The following KLHL20 variants were observed in gnomAD, a reference collection of about 807,000 sequenced individuals.
KLHL20 encodes the protein kelch-like protein 20.
In KLHL20, 29 loss-of-function variants were observed where a neutral mutation model predicts 69.5. The ratio of observed to expected loss-of-function variants is 0.42; its 90% CI spans 0.31 to 0.57. The LOEUF (loss-of-function observed/expected upper bound fraction) is 0.57, where lower values mean the gene tolerates loss of function less well. KLHL20 is among the 20% of genes least tolerant of loss of function. The pLI, the probability that KLHL20 is intolerant of heterozygous loss-of-function variation, is 0.18. For synonymous variants in KLHL20, 253 were observed against 265.2 expected (o/e 0.95, Z 0.45); for missense variants, 419 against 776.0 (o/e 0.54, Z 5.47).
intron 7 of KLHL20, among the ~76,000 whole-genome samples, chr1:173,765,354 A>G (rs1220394103): frequency 1.3e-5 from 2 of 152,076 alleles, no homozygotes; most frequent in African/African-American, 2.4e-5. Context: ...ATACAAAAAA[A>G]GAGACGGGTG....
chr1:173,732,920 G>T (rs1672352610), intron 2 of KLHL20, among the ~76,000 whole-genome samples: 1 of 151,558 alleles, frequency 6.6e-6, no homozygotes, highest in Admixed American at 6.6e-5. Context: ...GCTCTTTGGA[G>T]TCCTGCTAAA....
intron 2 of KLHL20, among the ~76,000 whole-genome samples, chr1:173,723,890 A>G (rs1349271893): frequency 6.6e-6 from 1 of 152,194 alleles, no homozygotes; most frequent in African/African-American, 2.4e-5. Flanking sequence ...CTACTTTACA[A>G]CAACAACCTT....
chr1:173,762,813 T>A (rs12060568), intron 7 of KLHL20, among the ~76,000 whole-genome samples: 13,736 of 151,886 alleles, frequency 0.09, 2,009 homozygotes, highest in African/African-American at 0.31. Context: ...GAGCATGGGG[T>A]AAAAGACAAG....
Position 173,733,891 on chromosome 1 carries a change from T to A in KLHL20, c.202T>A (p.Cys68Ser). The change falls in exon 3 of 12, where the codon TGT becomes AGT. Residue 68 changes from cysteine (C) to serine (S), a missense_variant. By Grantham distance (112) the Cys-to-Ser change is moderately radical. Coordinates refer to ENST00000209884, the MANE Select transcript of KLHL20 (RefSeq NM_014458.4). ...CCTTCTGAGAAAGCACCGGGAGCTATGTGATGTGGTGCTAGTTGTGGGCGC... is the reference window on the plus strand; with the variant it reads ...CCTTCTGAGAAAGCACCGGGAGCTAAGTGATGTGGTGCTAGTTGTGGGCGC... ...INLLRKHREL[C>S]DVVLVVGAKK... 3.7e-6 allele frequency: 6 copies of A among 1,614,130 alleles called. No homozygotes were observed. Among genetic ancestry groups the A allele is most frequent in the Non-Finnish European group, 4.2e-6 (5 of 1,180,042 alleles).
intron 3 of KLHL20, among the ~76,000 whole-genome samples, chr1:173,750,747 A>G (rs113781813): frequency 6.6e-6 from 1 of 151,322 alleles, no homozygotes; most frequent in Non-Finnish European, 1.5e-5. Flanking sequence ...TTTTTGTAGA[A>G]ATAAGTTCTC....
intron 3 of KLHL20, among the ~76,000 whole-genome samples, chr1:173,750,855 T>C (rs1024144120): frequency 2.6e-5 from 4 of 152,164 alleles, no homozygotes; most frequent in Non-Finnish European, 5.9e-5. Context: ...GCCACCACAC[T>C]TGGCTAAGGA....
At chr1:173,773,271 CTT>C (rs942557054) in intron 8 of KLHL20, among the ~76,000 whole-genome samples, 4 of 142,720 alleles carry the variant, frequency 2.8e-5, no homozygotes, top group Non-Finnish European at 3.1e-5. Flanking sequence ...CACACACAGC[CTT>C]TTTTTTTTTT....
chr1:173,737,964 T>G (rs1672614659), intron 3 of KLHL20, among the ~76,000 whole-genome samples: 1 of 147,548 alleles, frequency 6.8e-6, no homozygotes. Context: ...TTTTTTTTTT[T>G]GCAGCTATTA....
In KLHL20 at chr1:173,720,877, G is replaced by A. The variant is rs993357505; in HGVS notation, c.23+4811G>A. 2.6e-5 allele frequency among the ~76,000 whole-genome samples: 4 copies of A among 152,108 alleles called. No homozygotes were observed. The South Asian group carries it at 6.2e-4, about 24-fold the overall frequency. On this transcript the variant is annotated intron_variant, in intron 2 of 11. Coordinates refer to ENST00000209884, the MANE Select transcript of KLHL20 (RefSeq NM_014458.4). ...ATAGATTCTGTTTCATATACTTTAA[G>A]ATTATTGTGTTTAGGAAACAGCCAG...
chr1:173,725,510 C>T (rs1671913080), intron 2 of KLHL20, among the ~76,000 whole-genome samples: 1 of 152,188 alleles, frequency 6.6e-6, no homozygotes, highest in African/African-American at 2.4e-5. Flanking sequence ...TAGACACATA[C>T]ATATATACTG....
intron 11 of KLHL20, among the ~76,000 whole-genome samples, chr1:173,782,572 C>A (rs1310340559): frequency 4.6e-5 from 7 of 151,816 alleles, no homozygotes; most frequent in African/African-American, 1.7e-4. Context: ...GAATTAGAAC[C>A]TAGGTCTTTG....
At chr1:173,730,636 AT>A (rs1193177654) in intron 2 of KLHL20, among the ~76,000 whole-genome samples, 1 of 152,242 alleles carries the variant, frequency 6.6e-6, no homozygotes, top group Non-Finnish European at 1.5e-5. Context: ...TCCCTATTTA[AT>A]AAATGGTGCT....
chr1:173,732,128 C>T (rs1342771801), intron 2 of KLHL20, among the ~76,000 whole-genome samples: 2 of 151,128 alleles, frequency 1.3e-5, no homozygotes, highest in Non-Finnish European at 2.9e-5. Context: ...ACCCAGGAGG[C>T]GGAAGTTGCA....
intron 7 of KLHL20, among the ~76,000 whole-genome samples, chr1:173,762,709 A>C (rs1647385906): frequency 6.6e-6 from 1 of 152,210 alleles, no homozygotes; most frequent in Non-Finnish European, 1.5e-5. Context: ...CTCTCAGCAA[A>C]ATTGGCATAC....
At chr1:173,738,617 T>C (rs185609620) in intron 3 of KLHL20, among the ~76,000 whole-genome samples, 10 of 152,364 alleles carry the variant, frequency 6.6e-5, no homozygotes, top group Non-Finnish European at 1.5e-4. Flanking sequence ...CAGTATAATA[T>C]TGGCTGCAGG....
chr1:173,779,508 G>A (rs1471755569), intron 10 of KLHL20, among the ~76,000 whole-genome samples: 1 of 151,920 alleles, frequency 6.6e-6, no homozygotes, highest in Non-Finnish European at 1.5e-5. Context: ...GTGCCACCAT[G>A]TCCAGCTAAC....
chr1:173,721,416 T>G (rs75088350), intron 2 of KLHL20, among the ~76,000 whole-genome samples: 12,546 of 152,286 alleles, frequency 0.082, 743 homozygotes, highest in East Asian at 0.32. Flanking sequence ...CCGTCTACTA[T>G]AGACACTAGA....
chr1:173,776,821 A>T (rs1282749231), intron 10 of KLHL20, among the ~76,000 whole-genome samples: 1 of 152,146 alleles, frequency 6.6e-6, no homozygotes, highest in Non-Finnish European at 1.5e-5. Context: ...TAGTTACTGT[A>T]GCTCTTTAGT....
intron 2 of KLHL20, among the ~76,000 whole-genome samples, chr1:173,717,786 C>CA (rs1285569660): frequency 1.5e-4 from 23 of 151,440 alleles, no homozygotes; most frequent in Admixed American, 9.2e-4. Context: ...CTCCAAAAAA[C>CA]AAAAAAAATC....
Sources: allele counts gnomAD v4.1 joint callset (sites outside exome capture counted in the v4.1 genomes callset), GRCh38; gene constraint gnomAD v4.1.1; transcripts MANE v1.5; gene names NCBI Gene and HGNC (gene_info 2026-07-23, HGNC 2026-07-21).